The following EDEM3 variants were observed in gnomAD, a reference collection of about 807,000 sequenced individuals.
EDEM3 encodes ER degradation enhancing alpha-mannosidase like protein 3, also known as ER degradation-enhancing alpha-mannosidase-like protein 3.
A neutral mutation model predicts 110.2 loss-of-function variants in EDEM3; 60 were observed. The ratio of observed to expected loss-of-function variants is 0.54; its 90% CI spans 0.44 to 0.67. EDEM3 has a LOEUF of 0.67. Among genes scored for constraint, EDEM3 ranks in the 30% least tolerant of loss-of-function variants. The pLI is 0.00. For missense variants in EDEM3, 996 were observed against 1,121.0 expected, an observed-to-expected ratio of 0.89 and a Z score of 1.59; for synonymous variants, 352 against 382.9, an observed-to-expected ratio of 0.92 and a Z score of 0.94.
chr1:184,711,684 C>A, intron 15 of EDEM3, 39 bp downstream of exon 15: 1 of 1,520,448 alleles, frequency 6.6e-7, no homozygotes, highest in South Asian at 1.3e-5. Context: ...TACTAAGAAA[C>A]AACTTTGATA....
chr1:184,719,108 G>C, intron 11 of EDEM3, 54 bp downstream of exon 11: 2 of 1,013,098 alleles, frequency 2.0e-6, no homozygotes, highest in Non-Finnish European at 2.9e-6. Flanking sequence ...GTGTACGTGT[G>C]TGTGTGTGTG....
At position 184,732,909 on chromosome 1, in the gene EDEM3, G is replaced by C; in HGVS notation, c.540C>G (p.Leu180=). 1 of 1,614,052 alleles carries C rather than the reference G, an allele frequency of 6.2e-7. No homozygotes were observed. The highest frequency in any genetic ancestry group is 1.3e-5 in the African/African-American group (1 of 75,044). ...EYMQWYNDEL[L]QMAKQLGYKL... The stretch of plus-strand genomic sequence containing the variant: ...TGTAACCTAACTGCTTTGCCATTTG[G>C]AGAAGTTCATCATTGTACCACTGCA... Residue 180 remains leucine, a synonymous_variant, in exon 6 of 20, where the codon CTC becomes CTG. Coordinates refer to ENST00000318130, the MANE Select transcript of EDEM3 (RefSeq NM_025191.4).
intron 13 of EDEM3, among the ~76,000 whole-genome samples, chr1:184,716,235 G>A (rs995542512): frequency 6.6e-6 from 1 of 152,124 alleles, no homozygotes; most frequent in African/African-American, 2.4e-5. Flanking sequence ...CACATAAGGG[G>A]CCTCAGTAAA....
rs146811483 is a variant in EDEM3, at chr1:184,750,230, C to A, written c.159-638G>T. Among the ~76,000 whole-genome samples the A allele has an allele frequency of 2.9e-3, 434 of 152,248 alleles. 5 individuals carry two copies. In the East Asian group the frequency reaches 0.036, roughly 13 times the overall value. ...AAATCAAATAAATAGTATTCACTTC[C>A]AAAATGAGAAAACTAATGCTCAAAA... is the stretch of plus-strand genomic sequence containing the variant. On this transcript the variant is annotated intron_variant, in intron 1 of 19. Transcript: ENST00000318130.
chr1:184,744,390 G>A (rs1365725520), intron 2 of EDEM3, among the ~76,000 whole-genome samples: 1 of 150,366 alleles, frequency 6.7e-6, no homozygotes, highest in Admixed American at 6.6e-5. Flanking sequence ...ACACCCAACA[G>A]AATGGCTGAA....
At chr1:184,697,538 C>CT (rs1262175041) in intron 19 of EDEM3, among the ~76,000 whole-genome samples, 6 of 151,698 alleles carry the variant, frequency 4.0e-5, no homozygotes, top group Admixed American at 2.0e-4. Context: ...AAGGGTAAGT[C>CT]TAGAAGCAGA....
intron 3 of EDEM3, among the ~76,000 whole-genome samples, chr1:184,737,332 T>C (rs550292474): frequency 1.3e-5 from 2 of 152,294 alleles, no homozygotes; most frequent in South Asian, 4.1e-4. Flanking sequence ...AACAGTCCAA[T>C]GTGCTAATGA....
chr1:184,696,705 GAA>G (rs987993811), intron 19 of EDEM3, among the ~76,000 whole-genome samples: 1 of 151,988 alleles, frequency 6.6e-6, no homozygotes, highest in African/African-American at 2.4e-5. Flanking sequence ...ACCAAAGAAA[GAA>G]GGTAGCTGGC....
intron 2 of EDEM3, among the ~76,000 whole-genome samples, chr1:184,743,623 T>C (rs1571418361): frequency 1.3e-5 from 2 of 152,136 alleles, no homozygotes; most frequent in East Asian, 1.9e-4. Flanking sequence ...CTAGATCTGG[T>C]AACTTCAGCA....
intron 16 of EDEM3, 64 bp from the exon 17 acceptor site, chr1:184,708,408 C>T: frequency 3.2e-6 from 5 of 1,555,656 alleles, no homozygotes; most frequent in Middle Eastern, 1.7e-4. Context: ...TTTTTGATTT[C>T]CTAAAGACAC....
At chr1:184,706,523 T>C (rs1293475678) in intron 18 of EDEM3, 120 bp downstream of exon 18, 2 of 812,598 alleles carry the variant, frequency 2.5e-6, no homozygotes, top group Non-Finnish European at 3.7e-6. Context: ...ATCCTTGTTG[T>C]CTAGGTGAGG....
At chr1:184,753,666 G>A (rs1271346039) in intron 1 of EDEM3, among the ~76,000 whole-genome samples, 2 of 151,958 alleles carry the variant, frequency 1.3e-5, no homozygotes, top group African/African-American at 2.4e-5. Flanking sequence ...AATCTGATGG[G>A]CAAAAACCAG....
At chr1:184,735,797 A>G (rs890934318) in intron 4 of EDEM3, among the ~76,000 whole-genome samples, 21 of 152,200 alleles carry the variant, frequency 1.4e-4, no homozygotes, top group African/African-American at 4.6e-4. Flanking sequence ...GGAATGAGAC[A>G]TAACTGTTCC....
chr1:184,739,873 A>C (rs921722602), intron 2 of EDEM3, among the ~76,000 whole-genome samples: 1 of 152,188 alleles, frequency 6.6e-6, no homozygotes, highest in Non-Finnish European at 1.5e-5. Context: ...ATAGAAGATA[A>C]AGCTGCACTG....
At chr1:184,736,894 T>C (rs1337932342) in intron 4 of EDEM3, 131 bp downstream of exon 4, 5 of 714,794 alleles carry the variant, frequency 7.0e-6, no homozygotes, top group East Asian at 2.6e-5. Flanking sequence ...AAAAGATTTA[T>C]TTAGAAGCAA....
intron 13 of EDEM3, among the ~76,000 whole-genome samples, chr1:184,713,225 T>C (rs531889293): frequency 8.2e-4 from 125 of 151,922 alleles, no homozygotes; most frequent in African/African-American, 2.7e-3. Flanking sequence ...GAGTGCAGTG[T>C]CACTGCACTC....
chr1:184,708,979 A>T (rs866149554), intron 16 of EDEM3, among the ~76,000 whole-genome samples: 3 of 152,174 alleles, frequency 2.0e-5, no homozygotes, highest in African/African-American at 7.2e-5. Context: ...TTGAAGAATG[A>T]CTATAATAGA....
rs765978645 is a variant in EDEM3, at chr1:184,716,992, G to A, written c.1266C>T (p.Tyr422=). 1.1e-5 allele frequency: 17 copies of A among 1,611,658 alleles called. 1 individual carries two copies. In the South Asian group the frequency reaches 1.9e-4, roughly 18 times the overall value. The part of the protein sequence containing the change: ...FLYKATGDPY[Y]LEVGKTLIEN... ...CAATAAGTGTCTTCCCTACTTCAAGGTAGTAAGGATCTCCTGTAGCCTATT... is the reference window on the plus strand; with the variant it reads ...CAATAAGTGTCTTCCCTACTTCAAGATAGTAAGGATCTCCTGTAGCCTATT... The change falls in exon 13 of 20, where the codon TAC becomes TAT. Residue 422 remains tyrosine (Y), a synonymous_variant. Transcript: ENST00000318130.
At chr1:184,707,809 A>G (rs1650014130) in intron 17 of EDEM3, among the ~76,000 whole-genome samples, 1 of 152,214 alleles carries the variant, frequency 6.6e-6, no homozygotes. Context: ...TGTTTTCTAC[A>G]TTAAGCTCCT....
Sources: allele counts gnomAD v4.1 joint callset (sites outside exome capture counted in the v4.1 genomes callset), GRCh38; gene constraint gnomAD v4.1.1; transcripts MANE v1.5; gene names NCBI Gene and HGNC (gene_info 2026-07-23, HGNC 2026-07-21).